Variants in NIBAN2 observed in about 807,000 individuals in gnomAD.
NIBAN2 encodes protein Niban 2.
NIBAN2 carries 36 observed loss-of-function variants against 81.8 expected under a neutral mutation model. That is an observed-to-expected ratio of 0.44 (90% CI 0.34 to 0.58). The LOEUF (loss-of-function observed/expected upper bound fraction) is 0.58. Ranked by LOEUF, NIBAN2 falls within the 20% of genes least tolerant of loss-of-function variation. NIBAN2 has a pLI of 0.02. For missense variants in NIBAN2, 897 were observed against 1,014.1 expected (o/e 0.88, Z 1.57); for synonymous variants, 445 against 441.6 (o/e 1.01, Z -0.10).
intron 1 of NIBAN2, among the ~76,000 whole-genome samples, chr9:127,576,124 C>T (rs1190961754): frequency 6.6e-6 from 1 of 152,186 alleles, no homozygotes; most frequent in Non-Finnish European, 1.5e-5. Flanking sequence ...GCAATGGGAG[C>T]TTGAGGGAGC....
chr9:127,519,661 C>T (rs1385389457), intron 5 of NIBAN2, among the ~76,000 whole-genome samples: 1 of 152,240 alleles, frequency 6.6e-6, no homozygotes, highest in African/African-American at 2.4e-5. Flanking sequence ...CCCTACAGCG[C>T]AGCTGCCTGG....
At chr9:127,535,915 C>T (rs1446189025) in intron 1 of NIBAN2, among the ~76,000 whole-genome samples, 1 of 151,890 alleles carries the variant, frequency 6.6e-6, no homozygotes, top group East Asian at 2.0e-4. Context: ...GGGCAGGCAT[C>T]GGAGGGGGTA....
Position 127,575,225 on chromosome 9 carries a change from G to C in NIBAN2, c.16+3697C>G, listed in dbSNP as rs1371019398. 7.9e-5 allele frequency among the ~76,000 whole-genome samples: 10 copies of C among 126,168 alleles called. No individual in the cohort carries two copies. In the East Asian group the frequency reaches 2.0e-3, roughly 26 times the overall value. The allele number at this position is 126,168 out of a possible 152,430, so 82.8% of individuals were successfully genotyped here. The stretch of plus-strand genomic sequence containing the variant: ...TCCCACCTCACAGCTTATGAAATAT[G>C]GATTCTTTTTTTTTTTTTTTTGAGA... On this transcript the variant is annotated intron_variant, in intron 1 of 13. Transcript: ENST00000373314.
chr9:127,537,322 C>T (rs936507372), intron 1 of NIBAN2, among the ~76,000 whole-genome samples: 1 of 152,206 alleles, frequency 6.6e-6, no homozygotes, highest in African/African-American at 2.4e-5. Context: ...CAGCTCCAGG[C>T]CTCCATAAAC....
chr9:127,556,468 T>C (rs1564317483), intron 1 of NIBAN2, among the ~76,000 whole-genome samples: 1 of 152,138 alleles, frequency 6.6e-6, no homozygotes. Flanking sequence ...ATTCATTCAT[T>C]CATTCATTCA....
chr9:127,542,698 T>C (rs1005803501), intron 1 of NIBAN2, among the ~76,000 whole-genome samples: 4 of 152,228 alleles, frequency 2.6e-5, no homozygotes, highest in African/African-American at 9.6e-5. Context: ...GGCCCTTGGC[T>C]GCGTCACTCT....
chr9:127,525,005 C>T (rs1837033410), intron 4 of NIBAN2, 53 bp downstream of exon 4: 1 of 1,433,054 alleles, frequency 7.0e-7, no homozygotes, highest in African/African-American at 1.4e-5. Flanking sequence ...CTCCCCTGGC[C>T]AGCTCCAGAT....
At chr9:127,527,371 T>A in intron 2 of NIBAN2, 49 bp from the exon 3 acceptor site, 1 of 1,551,324 alleles carries the variant, frequency 6.4e-7, no homozygotes, top group Non-Finnish European at 8.9e-7. Context: ...GGGGGGGTGG[T>A]GCTCCCCATG....
At chr9:127,550,752 T>A (rs931056764) in intron 1 of NIBAN2, among the ~76,000 whole-genome samples, 1 of 152,108 alleles carries the variant, frequency 6.6e-6, no homozygotes, top group African/African-American at 2.4e-5. Context: ...CCTGCAAATA[T>A]AGGGCTGGGT....
chr9:127,572,994 G>A (rs958449990), upstream of NIBAN2, among the ~76,000 whole-genome samples: 1 of 152,172 alleles, frequency 6.6e-6, no homozygotes, highest in African/African-American at 2.4e-5. Flanking sequence ...GCAGTGTGCT[G>A]TGATCTCGCC....
Position 127,563,180 on chromosome 9 carries a change from G to A in NIBAN2, c.55+5640C>T, listed in dbSNP as rs767230199. Among the ~76,000 whole-genome samples the A allele has an allele frequency of 8.5e-5, 13 of 152,312 alleles. No homozygotes were observed. Among genetic ancestry groups the A allele is most frequent in the Non-Finnish European group, 1.6e-4 (11 of 68,036 alleles). ...GAGGCTGGAGCAGCTCTGAGTAGGC[G>A]AGGCCGGCACTCAGGCCCCAGCAGT... On this transcript the variant is annotated intron_variant, in intron 1 of 13. Coordinates refer to ENST00000373312, the MANE Select transcript of NIBAN2 (RefSeq NM_022833.4). This position sits in a 1 kb window ranked among gnomAD's most constrained non-coding sequence, Gnocchi z 4.1.
intron 1 of NIBAN2, among the ~76,000 whole-genome samples, chr9:127,541,286 C>A (rs1011401395): frequency 6.6e-6 from 1 of 152,206 alleles, no homozygotes; most frequent in Admixed American, 6.5e-5. Context: ...TTGCCCCCCA[C>A]CTACTGTCAC....
intron 1 of NIBAN2, among the ~76,000 whole-genome samples, chr9:127,532,586 G>T (rs192466751): frequency 3.9e-5 from 6 of 151,962 alleles, no homozygotes; most frequent in Non-Finnish European, 8.8e-5. Flanking sequence ...CAGCCTGGGC[G>T]ACAGAGCGAG....
At chr9:127,571,254 C>T (rs374526300), upstream of NIBAN2, among the ~76,000 whole-genome samples, 4 of 101,502 alleles carry the variant, frequency 3.9e-5, no homozygotes, top group Non-Finnish European at 6.1e-5. Context: ...GGCCCAGGGA[C>T]GGGTTCCTCC....
At chr9:127,556,134 AC>A (rs1588184359) in intron 1 of NIBAN2, among the ~76,000 whole-genome samples, 1 of 151,076 alleles carries the variant, frequency 6.6e-6, no homozygotes, top group East Asian at 1.9e-4. Flanking sequence ...GAAAGACTCT[AC>A]CCGCCTCACC....
chr9:127,565,564 G>A (rs1837843450), intron 1 of NIBAN2, among the ~76,000 whole-genome samples: 1 of 151,690 alleles, frequency 6.6e-6, no homozygotes, highest in Non-Finnish European at 1.5e-5. Context: ...AGGCTGAGGA[G>A]GGTGGATCAC....
intron 1 of NIBAN2, among the ~76,000 whole-genome samples, chr9:127,549,487 TCACA>T (rs1435224392): frequency 6.6e-6 from 1 of 151,954 alleles, no homozygotes; most frequent in Non-Finnish European, 1.5e-5. Flanking sequence ...ACATGTACAC[TCACA>T]CACCGTGCAT....
intron 1 of NIBAN2, among the ~76,000 whole-genome samples, chr9:127,539,395 T>C (rs1358605396): frequency 1.3e-5 from 2 of 152,128 alleles, no homozygotes; most frequent in East Asian, 3.9e-4. Context: ...GGCTTTACTA[T>C]CCTCATCTTA....
chr9:127,508,907 C>G lies in NIBAN2; in HGVS notation c.1317+69G>C. ...ATGACGGGACGGAGCAGAAGGGACC[C>G]CCTGGGCGAGGGGGCCTGTGGAAGG... On this transcript the variant is annotated intron_variant, in intron 10 of 13. Transcript: ENST00000373312. This position sits in a 1 kb window ranked among gnomAD's most constrained non-coding sequence, Gnocchi z 6.4. 1 of 1,570,154 alleles carries G rather than the reference C, an allele frequency of 6.4e-7. No homozygotes were observed. Among genetic ancestry groups the G allele is most frequent in the South Asian group, 1.1e-5 (1 of 89,904 alleles).
Sources: allele counts gnomAD v4.1 joint callset (sites outside exome capture counted in the v4.1 genomes callset), GRCh38; gene constraint gnomAD v4.1.1; non-coding constraint Gnocchi (gnomAD v3.1); transcripts MANE v1.5; gene names NCBI Gene and HGNC (gene_info 2026-07-23, HGNC 2026-07-21).